Variants in CELF5 observed in about 807,000 individuals in gnomAD.
The protein encoded by CELF5 is CUGBP Elav-like family member 5, also known as CUG-BP and ETR-3 like factor 5.
CELF5 carries 6 observed loss-of-function variants against 54.9 expected under a neutral mutation model. The observed-to-expected ratio is 0.11, with a 90% CI of 0.06 to 0.22. The LOEUF is 0.22. CELF5 is among the 10% of genes least tolerant of loss of function. The probability of loss-of-function intolerance (pLI) is 1.00; values close to 1 mark genes in which losing one functional copy is unlikely to be tolerated. For missense variants in CELF5, 401 were observed against 678.6 expected (o/e 0.59, Z 4.54); for synonymous variants, 271 against 290.9 (o/e 0.93, Z 0.70).
intron 1 of CELF5, among the ~76,000 whole-genome samples, chr19:3,242,458 G>A (rs1445788943): frequency 1.3e-5 from 2 of 151,666 alleles, no homozygotes; most frequent in South Asian, 2.1e-4. Flanking sequence ...ATCACTTGAG[G>A]TCAGCAGTTC....
intron 2 of CELF5, among the ~76,000 whole-genome samples, chr19:3,263,640 C>G (rs184163538): frequency 4.9e-4 from 74 of 152,236 alleles, no homozygotes; most frequent in African/African-American, 1.6e-3. Context: ...CACGGTGGCT[C>G]ACGCCTGTAA....
chr19:3,248,439 G>T (rs2079597049), intron 1 of CELF5, among the ~76,000 whole-genome samples: 1 of 151,884 alleles, frequency 6.6e-6, no homozygotes, highest in South Asian at 2.1e-4. Flanking sequence ...GAATCTGATG[G>T]CTCTGTGGTC....
rs1917048968 is a variant in CELF5, at chr19:3,228,408, C to T, written c.259+3410C>T. On this transcript the variant is annotated intron_variant, in intron 1 of 12. Coordinates refer to ENST00000292672, the MANE Select transcript of CELF5 (RefSeq NM_021938.4). The surrounding 1 kb of genome is among the most constrained non-coding windows in gnomAD (Gnocchi z 6.0). Reference sequence around the variant, plus strand: ...GCAGTTCCTGCCCCGGGGACCCTCCCTCCAAGGCAGGCACCTCTGGAGCTG... The same window carrying T: ...GCAGTTCCTGCCCCGGGGACCCTCCTTCCAAGGCAGGCACCTCTGGAGCTG... Among the ~76,000 whole-genome samples, 1 of 152,210 alleles carries T rather than the reference C, an allele frequency of 6.6e-6. No individual in the cohort carries two copies. The highest frequency in any genetic ancestry group is 6.5e-5 in the Admixed American group (1 of 15,288).
At chr19:3,227,126 G>T (rs1463684926) in intron 1 of CELF5, among the ~76,000 whole-genome samples, 1 of 152,150 alleles carries the variant, frequency 6.6e-6, no homozygotes, top group Non-Finnish European at 1.5e-5. Context: ...CAGTACCCTC[G>T]GGGAAGTGAA....
Position 3,285,824 on chromosome 19 carries a change from C to T in CELF5, c.1103-118C>T, listed in dbSNP as rs546409542. 42 of 464,306 alleles carry T rather than the reference C, an allele frequency of 9.0e-5. 1 individual carries two copies. The South Asian group carries it at 1.0e-3, about 11-fold the overall frequency. The allele number at this position is 464,306 out of a possible 1,614,324, so 28.8% of individuals were successfully genotyped here. Reference sequence around the variant, plus strand: ...CCTCCCCACAAAGGCCATGATCACACCCACTCCTGCCTTGGCCCCACCCTC... The same window carrying T: ...CCTCCCCACAAAGGCCATGATCACATCCACTCCTGCCTTGGCCCCACCCTC... On this transcript the variant is annotated intron_variant, in intron 9 of 12. Transcript: ENST00000292672.
At chr19:3,254,971 CCTAT>C (rs1222316357) in intron 2 of CELF5, among the ~76,000 whole-genome samples, 4 of 151,048 alleles carry the variant, frequency 2.6e-5, no homozygotes, top group African/African-American at 2.4e-5. Context: ...CATCCATCCA[CCTAT>C]CTATCCTCCC....
At chr19:3,288,572 G>C (rs1247906909) in intron 10 of CELF5, among the ~76,000 whole-genome samples, 6 of 151,992 alleles carry the variant, frequency 3.9e-5, no homozygotes, top group Non-Finnish European at 1.5e-5. Flanking sequence ...CTTTGGCCAG[G>C]TGCAGTGGCT....
intron 1 of CELF5, among the ~76,000 whole-genome samples, chr19:3,231,614 TA>T (rs1413258726): frequency 1.4e-5 from 2 of 145,672 alleles, no homozygotes; most frequent in African/African-American, 5.2e-5. Flanking sequence ...GATGGATGGA[TA>T]GATGGATGGA....
intron 8 of CELF5, 73 bp from the exon 9 acceptor site, chr19:3,284,829 G>A: frequency 1.5e-6 from 2 of 1,317,394 alleles, no homozygotes; most frequent in African/African-American, 1.4e-5. Flanking sequence ...TGTCCTTGCG[G>A]CTCTTAAGGA....
rs775812080 is a variant in CELF5, at chr19:3,281,307, A to G, written c.712A>G (p.Thr238Ala). ...GCTGGGCATCCTGACGCCGTCCCTC[A>G]CATTGCCCTTCAGCCCCTACAGTGC... Reference protein sequence around the residue: ...GQLGILTPSLTLPFSPYSAYA... With the variant: ...GQLGILTPSLALPFSPYSAYA... Residue 238 changes from threonine to alanine, a missense_variant, in exon 6 of 13, where the codon ACA becomes GCA. Physicochemically the swap from Thr to Ala is moderately conservative, Grantham distance 58. Transcript: ENST00000292672. The surrounding 1 kb of genome is among the most constrained non-coding windows in gnomAD (Gnocchi z 6.5). 2 of 1,611,308 alleles carry G rather than the reference A, an allele frequency of 1.2e-6. No homozygotes were observed. The highest frequency in any genetic ancestry group is 2.2e-5 in the South Asian group (2 of 91,078).
intron 1 of CELF5, among the ~76,000 whole-genome samples, chr19:3,237,975 G>C (rs911508218): frequency 2.0e-5 from 3 of 152,108 alleles, no homozygotes; most frequent in African/African-American, 7.2e-5. Context: ...CGTGAACCCA[G>C]GAGGCGGAGC....
In CELF5 at chr19:3,282,511, C is replaced by T. The variant is rs375135581; in HGVS notation, c.1039+13C>T. Reference sequence around the variant, plus strand: ...GTGCCCTACCCAGGTAAATTGGGGTCGTCCTCTGGGGCCTAGGAGAGTGGT... The same window carrying T: ...GTGCCCTACCCAGGTAAATTGGGGTTGTCCTCTGGGGCCTAGGAGAGTGGT... On this transcript the variant is annotated intron_variant, in intron 8 of 12. Coordinates refer to ENST00000292672, the MANE Select transcript of CELF5 (RefSeq NM_021938.4). The surrounding 1 kb of genome is among the most constrained non-coding windows in gnomAD (Gnocchi z 5.2). The T allele has an allele frequency of 3.9e-5, 62 of 1,607,978 alleles. No homozygotes were observed. In the African/African-American group the frequency reaches 4.3e-4, roughly 11 times the overall value.
In CELF5 at chr19:3,275,216, CCCAGCTCCGGCCTCAGACCAGGTT is replaced by C. The variant is rs1473461209; in HGVS notation, c.395-634_395-611del. Among the ~76,000 whole-genome samples, 1 of 152,184 alleles carries C rather than the reference CCCAGCTCCGGCCTCAGACCAGGTT, an allele frequency of 6.6e-6. No homozygotes were observed. The highest frequency in any genetic ancestry group is 2.4e-5 in the African/African-American group (1 of 41,440). The stretch of plus-strand genomic sequence containing the variant: ...GCAGAGCTCACACAGGAGAGGCTGG[CCCAGCTCCGGCCTCAGACCAGGTT>C]CCAGCCCAGCCCCACCCAGCAGGGG... On this transcript the variant is annotated intron_variant, in intron 3 of 12. Transcript: ENST00000292672. This position sits in a 1 kb window ranked among gnomAD's most constrained non-coding sequence, Gnocchi z 6.7.
Position 3,268,596 on chromosome 19 carries a change from G to A in CELF5, c.343-5276G>A, listed in dbSNP as rs1000281193. Among the ~76,000 whole-genome samples, 2 of 152,024 alleles carry A rather than the reference G, an allele frequency of 1.3e-5. No homozygotes were observed. Among genetic ancestry groups the A allele is most frequent in the African/African-American group, 4.8e-5 (2 of 41,392 alleles). ...GGATGGAGCCTGGGTTTTGCTTTCC[G>A]AGGAGTCTACAAACCCGTGTATCAT... On this transcript the variant is annotated intron_variant, in intron 2 of 12. Coordinates refer to ENST00000292672, the MANE Select transcript of CELF5 (RefSeq NM_021938.4). This position sits in a 1 kb window ranked among gnomAD's most constrained non-coding sequence, Gnocchi z 4.4.
In CELF5 at chr19:3,296,900, G is replaced by C. The variant is rs1282599288; in HGVS notation, c.*183G>C. ...TTGGAACTTTGGGTTGACTCGGTTT[G>C]AGTTTTGTGTCAAAGAAGATTTCCC... On this transcript the variant is annotated 3_prime_UTR_variant, in exon 13 of 13. Coordinates refer to ENST00000292672, the MANE Select transcript of CELF5 (RefSeq NM_021938.4). The C allele has an allele frequency of 6.6e-6, 1 of 151,076 alleles. No homozygotes were observed. The highest frequency in any genetic ancestry group is 1.5e-5 in the Non-Finnish European group (1 of 67,814). 9.4% of individuals were successfully genotyped at this position (151,076 alleles called of 1,614,324 possible). A position where few individuals can be genotyped will look rare whatever the true frequency, so the allele number is the denominator to read the frequency against.
chr19:3,242,951 G>A (rs1011529056), intron 1 of CELF5, among the ~76,000 whole-genome samples: 3 of 148,228 alleles, frequency 2.0e-5, no homozygotes, highest in Non-Finnish European at 4.5e-5. Context: ...GCAACAGAGC[G>A]AGACTCCATC....
rs930191917 is a variant in CELF5 at position 3,296,981 on chromosome 19, G to A, written c.*264G>A. 5.6e-5 allele frequency: 7 copies of A among 124,928 alleles called. No individual in the cohort carries two copies. The highest frequency in any genetic ancestry group is 8.0e-5 in the Non-Finnish European group (5 of 62,344). 7.7% of individuals were successfully genotyped at this position (124,928 alleles called of 1,614,324 possible). On this transcript the variant is annotated 3_prime_UTR_variant, in exon 13 of 13. Transcript: ENST00000292672. ...TGTTTCAGGTGAGAAGCAGCAAAGC[G>A]TCTTAATGTTCAAAACGCCTCTCTT... is the stretch of plus-strand genomic sequence containing the variant.
intron 1 of CELF5, among the ~76,000 whole-genome samples, chr19:3,248,853 T>TTCCTTCCTTC (rs2079603439): frequency 1.3e-3 from 156 of 118,900 alleles, no homozygotes; most frequent in South Asian, 2.0e-3. Flanking sequence ...TTTCTTTCTT[T>TTCCTTCCTTC]CTTCCTTCCT....
chr19:3,247,197 G>T (rs1016346353), intron 1 of CELF5, among the ~76,000 whole-genome samples: 2 of 152,152 alleles, frequency 1.3e-5, no homozygotes, highest in African/African-American at 4.8e-5. Flanking sequence ...CACAATCACA[G>T]CTCACTGCAA....
Sources: allele counts gnomAD v4.1 joint callset (sites outside exome capture counted in the v4.1 genomes callset), GRCh38; gene constraint gnomAD v4.1.1; non-coding constraint Gnocchi (gnomAD v3.1); transcripts MANE v1.5; gene names NCBI Gene and HGNC (gene_info 2026-07-23, HGNC 2026-07-21).